The following PTPRG variants were observed in gnomAD, a reference collection of about 807,000 sequenced individuals.
The protein encoded by PTPRG is receptor-type tyrosine-protein phosphatase gamma.
PTPRG carries 102 observed loss-of-function variants against 165.3 expected under a neutral mutation model. The observed-to-expected ratio is 0.62, with a 90% CI of 0.53 to 0.73. The LOEUF is 0.73. Among genes scored for constraint, PTPRG ranks in the 30% least tolerant of loss-of-function variants. The pLI, the probability that PTPRG is intolerant of heterozygous loss-of-function variation, is 0.00. For missense variants in PTPRG, 1,866 were observed against 1,861.4 expected, an observed-to-expected ratio of 1.00 and a Z score of -0.05; for synonymous variants, 675 against 669.5, an observed-to-expected ratio of 1.01 and a Z score of -0.13.
intron 2 of PTPRG, among the ~76,000 whole-genome samples, chr3:61,932,844 G>A (rs148105925): frequency 9.2e-5 from 14 of 152,250 alleles, no homozygotes; most frequent in East Asian, 5.8e-4. Context: ...CAGCATTCTC[G>A]TGTTCTCCTT....
intron 1 of PTPRG, among the ~76,000 whole-genome samples, chr3:61,736,169 A>G (rs1488895486): frequency 1.3e-5 from 2 of 151,704 alleles, no homozygotes; most frequent in African/African-American, 2.4e-5. Flanking sequence ...CAGCCTCCCA[A>G]AGTGCTAGGA....
chr3:61,590,296 C>T (rs9819551), intron 1 of PTPRG, among the ~76,000 whole-genome samples: 17,339 of 151,132 alleles, frequency 0.11, 1,137 homozygotes, highest in African/African-American at 0.17. Context: ...CTGAGGTGGG[C>T]GGATCACTTG....
At chr3:62,162,802 A>G (rs1298216261) in intron 7 of PTPRG, among the ~76,000 whole-genome samples, 1 of 152,228 alleles carries the variant, frequency 6.6e-6, no homozygotes, top group Non-Finnish European at 1.5e-5. Context: ...TGCCTGTGGC[A>G]TGAAATAGCT....
At chr3:61,624,935 A>G (rs1255197268) in intron 1 of PTPRG, among the ~76,000 whole-genome samples, 1 of 152,132 alleles carries the variant, frequency 6.6e-6, no homozygotes, top group Non-Finnish European at 1.5e-5. Flanking sequence ...TCTGAGGTCA[A>G]GGTGTCAGCA....
chr3:62,286,192 G>A (rs539425257), intron 28 of PTPRG, among the ~76,000 whole-genome samples: 5 of 152,232 alleles, frequency 3.3e-5, no homozygotes, highest in African/African-American at 1.2e-4. Context: ...AAGGCATATG[G>A]ACTGTTTTCA....
At chr3:61,832,606 A>G (rs1248333094) in intron 2 of PTPRG, among the ~76,000 whole-genome samples, 2 of 152,182 alleles carry the variant, frequency 1.3e-5, no homozygotes, top group Admixed American at 6.6e-5. Flanking sequence ...CTTGTAGGGT[A>G]GGTATCATTA....
intron 2 of PTPRG, among the ~76,000 whole-genome samples, chr3:61,987,589 T>G (rs1449844423): frequency 2.0e-5 from 3 of 152,172 alleles, no homozygotes; most frequent in Non-Finnish European, 4.4e-5. Flanking sequence ...CTCTGTTGAG[T>G]GTAATTTTAT....
At chr3:62,207,169 C>T (rs1452900412) in intron 12 of PTPRG, among the ~76,000 whole-genome samples, 1 of 152,206 alleles carries the variant, frequency 6.6e-6, no homozygotes, top group Non-Finnish European at 1.5e-5. Context: ...CAGGTCTCTG[C>T]TGCAGCTACT....
intron 5 of PTPRG, among the ~76,000 whole-genome samples, chr3:62,127,283 G>A (rs924042802): frequency 6.6e-6 from 1 of 152,182 alleles, no homozygotes; most frequent in Non-Finnish European, 1.5e-5. Flanking sequence ...TGGTCACTAG[G>A]ATGTTGAAGT....
In PTPRG at chr3:62,273,910, G is replaced by C. The variant is rs1559744038; in HGVS notation, c.3465+66G>C. 6.6e-7 allele frequency: 1 copy of C among 1,506,956 alleles called. No individual in the cohort carries two copies. The allele number at this position is 1,506,956 out of a possible 1,614,324, so 93.3% of individuals were successfully genotyped here. A position where few individuals can be genotyped will look rare whatever the true frequency, so the allele number is the denominator to read the frequency against. On this transcript the variant is annotated intron_variant, in intron 23 of 29. Transcript: ENST00000474889. This position sits in a 1 kb window ranked among gnomAD's most constrained non-coding sequence, Gnocchi z 4.1. The stretch of plus-strand genomic sequence containing the variant: ...ATGTTTTAAATGCCTTGAGTTTGGG[G>C]GTTATGTCTTCTTTGCATTAATGTA...
At chr3:61,974,226 T>C (rs2040449300) in intron 2 of PTPRG, among the ~76,000 whole-genome samples, 1 of 147,958 alleles carries the variant, frequency 6.8e-6, no homozygotes, top group Non-Finnish European at 1.5e-5. Context: ...TAGTTGTACA[T>C]GGAACTTTTT....
intron 4 of PTPRG, among the ~76,000 whole-genome samples, chr3:62,028,384 C>G (rs1017014002): frequency 1.3e-5 from 2 of 152,078 alleles, no homozygotes; most frequent in Non-Finnish European, 2.9e-5. Flanking sequence ...TGATTCCAAA[C>G]AAAACTGAAA....
intron 14 of PTPRG, among the ~76,000 whole-genome samples, chr3:62,235,693 G>T (rs1046328456): frequency 6.6e-6 from 1 of 152,088 alleles, no homozygotes. Flanking sequence ...TCAGATTTTT[G>T]TCACTTCTGA....
At chr3:61,903,921 C>CAA (rs945705173) in intron 2 of PTPRG, among the ~76,000 whole-genome samples, 11 of 152,316 alleles carry the variant, frequency 7.2e-5, no homozygotes, top group African/African-American at 2.6e-4. Flanking sequence ...TTCCTTTTTA[C>CAA]ATATGTCTGT....
intron 2 of PTPRG, among the ~76,000 whole-genome samples, chr3:61,980,719 A>G (rs554620687): frequency 6.6e-6 from 1 of 152,344 alleles, no homozygotes; most frequent in South Asian, 2.1e-4. Context: ...TTAAAACTGA[A>G]AAGTCTAGAG....
intron 4 of PTPRG, among the ~76,000 whole-genome samples, chr3:62,068,454 C>T (rs1008320319): frequency 2.0e-5 from 3 of 152,048 alleles, no homozygotes; most frequent in South Asian, 2.1e-4. Context: ...GCAGTAAACT[C>T]GGCCCTACTC....
chr3:62,289,709 C>CCCAA (rs1553670285), intron 28 of PTPRG, among the ~76,000 whole-genome samples: 1 of 122,666 alleles, frequency 8.2e-6, no homozygotes, highest in Non-Finnish European at 1.8e-5. Flanking sequence ...CCCCCCCCCC[C>CCCAA]AAAAAAAACA....
At position 61,801,401 on chromosome 3, in the gene PTPRG, A is replaced by C. The variant is rs1468176600; in HGVS notation, c.190+52419A>C. The stretch of plus-strand genomic sequence containing the variant: ...ATGGCTCATTGCAGCCTCAACCTCT[A>C]GGGCTCAAGTAATCCTCCCACTTCA... On this transcript the variant is annotated intron_variant, in intron 2 of 29. Coordinates refer to ENST00000474889, the MANE Select transcript of PTPRG (RefSeq NM_002841.4). Among the ~76,000 whole-genome samples, 3 of 150,616 alleles carry C rather than the reference A, an allele frequency of 2.0e-5. No individual in the cohort carries two copies. In the East Asian group the frequency reaches 5.9e-4, roughly 30 times the overall value.
chr3:62,288,305 T>C (rs976524480), intron 28 of PTPRG, among the ~76,000 whole-genome samples: 8 of 152,112 alleles, frequency 5.3e-5, no homozygotes, highest in Admixed American at 5.2e-4. Context: ...AAGCAATAAA[T>C]AGTTTAGTAA....
Sources: allele counts gnomAD v4.1 joint callset (sites outside exome capture counted in the v4.1 genomes callset), GRCh38; gene constraint gnomAD v4.1.1; non-coding constraint Gnocchi (gnomAD v3.1); transcripts MANE v1.5; gene names NCBI Gene and HGNC (gene_info 2026-07-23, HGNC 2026-07-21).